The following TEP1 variants were observed in gnomAD, a reference collection of about 807,000 sequenced individuals.
The protein encoded by TEP1 is telomerase protein component 1.
Under a neutral mutation model 306.3 loss-of-function variants are expected in TEP1, and 241 were observed. The ratio of observed to expected loss-of-function variants is 0.79; its 90% CI spans 0.71 to 0.88. The LOEUF is 0.88. Ranked by LOEUF, TEP1 falls within the 40% of genes least tolerant of loss-of-function variation. The pLI, the probability that TEP1 is intolerant of heterozygous loss-of-function variation, is 0.00. For synonymous variants in TEP1, 1,289 were observed against 1,305.5 expected, an observed-to-expected ratio of 0.99 and a Z score of 0.27; for missense variants, 3,051 against 3,276.1, an observed-to-expected ratio of 0.93 and a Z score of 1.68.
At chr14:20,399,632 T>TA (rs71416944) in intron 9 of TEP1, among the ~76,000 whole-genome samples, 10,686 of 78,842 alleles carry the variant, frequency 0.14, 1,100 homozygotes, top group East Asian at 0.31. Flanking sequence ...CCCTGTTTCT[T>TA]AAAAAAAAAA....
At chr14:20,394,422 C>T (rs1878004511) in intron 12 of TEP1, among the ~76,000 whole-genome samples, 1 of 150,012 alleles carries the variant, frequency 6.7e-6, no homozygotes, top group African/African-American at 2.5e-5. Flanking sequence ...CCACATGTGG[C>T]TAGTGGCTAC....
At chr14:20,368,736 T>C (rs1013597651) in intron 54 of TEP1, 62 bp downstream of exon 54, 7 of 1,547,494 alleles carry the variant, frequency 4.5e-6, no homozygotes, top group South Asian at 2.3e-5. Flanking sequence ...TCTTGTGACA[T>C]CCCTTTGGGA....
rs903016023 is a variant in TEP1 at position 20,401,367 on chromosome 14, G to C, written c.1391+90C>G. 2.6e-6 allele frequency: 4 copies of C among 1,552,412 alleles called. No individual in the cohort carries two copies. The African/African-American group carries it at 4.1e-5, about 16-fold the overall frequency. ...ATGTCTGTCTAAAGTCATGTTGCTG[G>C]GTTTGAGAACTACTGGGATGGGGGC... On this transcript the variant is annotated intron_variant, in intron 8 of 54. Coordinates refer to ENST00000262715, the MANE Select transcript of TEP1 (RefSeq NM_007110.5).
At chr14:20,377,169 C>A in intron 41 of TEP1, 111 bp downstream of exon 41, 1 of 895,860 alleles carries the variant, frequency 1.1e-6, no homozygotes, top group Non-Finnish European at 1.6e-6. Context: ...GAGCCGAGAC[C>A]GTACCACTGC....
chr14:20,395,723 G>T (rs557868347), intron 11 of TEP1, 96 bp from the exon 12 acceptor site: 4 of 1,504,210 alleles, frequency 2.7e-6, no homozygotes, highest in Non-Finnish European at 3.6e-6. Context: ...CTTGGGGCTG[G>T]CAAGTGCCTG....
chr14:20,384,365 C>T, intron 23 of TEP1, 26 bp downstream of exon 23: 1 of 1,613,638 alleles, frequency 6.2e-7, no homozygotes, highest in Non-Finnish European at 8.5e-7. Flanking sequence ...CTCTCCATGC[C>T]TCTGGTCACC....
At chr14:20,397,776 C>A (rs1281045759) in intron 9 of TEP1, among the ~76,000 whole-genome samples, 1 of 151,096 alleles carries the variant, frequency 6.6e-6, no homozygotes, top group Non-Finnish European at 1.5e-5. Context: ...TTTTTTGAGA[C>A]GGAGTCTCAC....
Position 20,379,959 on chromosome 14 carries a change from C to G in TEP1, c.5098G>C (p.Val1700Leu), listed in dbSNP as rs764085340. 4.3e-5 allele frequency: 69 copies of G among 1,613,758 alleles called. No homozygotes were observed. The highest frequency in any genetic ancestry group is 5.7e-5 in the Non-Finnish European group (67 of 1,179,938). Residue 1700 changes from valine to leucine, a missense_variant, in exon 35 of 55, where the codon GTT (valine) becomes CTT (leucine). Val to Leu is a conservative substitution (Grantham distance 32). Transcript: ENST00000262715. The part of the protein sequence containing the change: ...RAAVGTANGT[V>L]YLLDLRTWQE... ...CAAGTTCTCAGGTCCAACAGGTAAA[C>G]TGTCCCATTGGCAGTGCCCACAGCT...
rs1225510850 is a variant in TEP1 at position 20,379,946 on chromosome 14, T to C, written c.5111A>G (p.Asp1704Gly). Residue 1704 changes from aspartate to glycine, a missense_variant, in exon 35 of 55, where the codon GAC becomes GGC. Asp to Gly is a moderately conservative substitution (Grantham distance 94). Transcript: ENST00000262715. ...TTGTCATACCTGCCAAGTTCTCAGG[T>C]CCAACAGGTAAACTGTCCCATTGGC... is the stretch of plus-strand genomic sequence containing the variant. ...GTANGTVYLL[D>G]LRTWQEEKSV... 7 of 1,612,740 alleles carry C rather than the reference T, an allele frequency of 4.3e-6. No homozygotes were observed. The highest frequency in any genetic ancestry group is 5.9e-6 in the Non-Finnish European group (7 of 1,179,606).
rs1490014453 is a variant in TEP1, at chr14:20,371,501, G to A, written c.7208C>T (p.Pro2403Leu). The A allele has an allele frequency of 6.2e-7, 1 of 1,609,054 alleles. No individual in the cohort carries two copies. The change falls in exon 50 of 55, where the codon CCA becomes CTA. Residue 2403 changes from proline (P) to leucine (L), a missense_variant. This residue lies in a region of TEP1 where 1,540 missense variants were observed against 1,705.9 expected (regional missense o/e 0.90). Coordinates refer to ENST00000262715, the MANE Select transcript of TEP1 (RefSeq NM_007110.5). ...TTTTGGATCTTACCAGATTTCAGAT[G>A]GAGCATCCCCTGGCTTCATGCAAAG... ...KLLCMKPGDA[P>L]SEIWSSYTEN...
At chr14:20,397,964 G>A (rs1197344535) in intron 9 of TEP1, among the ~76,000 whole-genome samples, 1 of 151,890 alleles carries the variant, frequency 6.6e-6, no homozygotes, top group African/African-American at 2.4e-5. Flanking sequence ...TGTTGGCCAG[G>A]CTGGTCTCAA....
At chr14:20,372,706 T>A in intron 49 of TEP1, 27 bp downstream of exon 49, 2 of 1,613,956 alleles carry the variant, frequency 1.2e-6, no homozygotes, top group Non-Finnish European at 1.7e-6. Flanking sequence ...GCTGTTTCTA[T>A]CCCATTAACC....
rs1418243882 is a variant in TEP1 at position 20,377,584 on chromosome 14, A to C, written c.5875+16T>G. On this transcript the variant is annotated intron_variant, in intron 40 of 54. Coordinates refer to ENST00000262715, the MANE Select transcript of TEP1 (RefSeq NM_007110.5). ...TTTCTAAAGGCTCAAAAACCCACCCATTCCCATTTCAGTACCTGAAGAGAT... is the reference window on the plus strand; with the variant it reads ...TTTCTAAAGGCTCAAAAACCCACCCCTTCCCATTTCAGTACCTGAAGAGAT... 2 of 1,613,990 alleles carry C rather than the reference A, an allele frequency of 1.2e-6. No homozygotes were observed. The highest frequency in any genetic ancestry group is 1.7e-5 in the Admixed American group (1 of 59,994).
In TEP1 at chr14:20,368,241, A is replaced by G. The variant is rs1268817149; in HGVS notation, c.*196T>C. The G allele has an allele frequency of 1.5e-5, 8 of 516,868 alleles. No homozygotes were observed. The highest frequency in any genetic ancestry group is 2.7e-5 in the Non-Finnish European group (8 of 301,074). The allele number at this position is 516,868 out of a possible 1,614,324, so 32.0% of individuals were successfully genotyped here. Reference sequence around the variant, plus strand: ...AGAAGAGACACACATTAGAATGTACATATACATACACATAGAATATCCTCC... The same window carrying G: ...AGAAGAGACACACATTAGAATGTACGTATACATACACATAGAATATCCTCC... On this transcript the variant is annotated 3_prime_UTR_variant, in exon 55 of 55. Transcript: ENST00000262715.
Position 20,373,266 on chromosome 14 carries a change from T to C in TEP1, c.6814+4A>G. ...CACCCTGTCTCTCTCCAAGCCTCAC[T>C]CACCTGCTTCCTTAGGAACCTGCCA... On this transcript the variant is annotated splice_donor_region_variant and intron_variant, in intron 47 of 54. Coordinates refer to ENST00000262715, the MANE Select transcript of TEP1 (RefSeq NM_007110.5). 6.2e-6 allele frequency: 10 copies of C among 1,613,898 alleles called. No homozygotes were observed. Among genetic ancestry groups the C allele is most frequent in the Non-Finnish European group, 8.5e-6 (10 of 1,179,802 alleles).
chr14:20,394,365 G>C (rs1877999983), intron 12 of TEP1, among the ~76,000 whole-genome samples: 1 of 151,666 alleles, frequency 6.6e-6, no homozygotes, highest in South Asian at 2.1e-4. Context: ...TCAAAACCTA[G>C]CATGTCTCAA....
chr14:20,384,992 A>G lies in TEP1; in HGVS notation c.3100T>C (p.Phe1034Leu), dbSNP rs1476852464. Residue 1034 changes from phenylalanine to leucine, a missense_variant, in exon 21 of 55, where the codon TTC becomes CTC. Transcript: ENST00000262715. ...QALIYFRDSS[F>L]LSSVPDAWKS... ...GCAGGCAACAGACAGTACCTGAGGA[A>G]GCTGGAATCCCGGAAGTAGATGAGA... 2 of 1,614,124 alleles carry G rather than the reference A, an allele frequency of 1.2e-6. No individual in the cohort carries two copies. The highest frequency in any genetic ancestry group is 1.7e-5 in the Admixed American group (1 of 60,008).
intron 7 of TEP1, among the ~76,000 whole-genome samples, chr14:20,403,072 G>A (rs951293943): frequency 3.1e-4 from 47 of 150,154 alleles, no homozygotes; most frequent in African/African-American, 9.3e-4. Context: ...CAGGAGAATC[G>A]CTTGAGCCTG....
At chr14:20,390,878 G>A in intron 14 of TEP1, 60 bp downstream of exon 14, 1 of 1,611,656 alleles carries the variant, frequency 6.2e-7, no homozygotes, top group Admixed American at 1.7e-5. Flanking sequence ...CAAATATCTG[G>A]GCTATTCCCA....
Sources: gnomAD v4.1 joint callset for allele counts (sites outside exome capture counted in the v4.1 genomes callset) on GRCh38, gnomAD v4.1.1 for gene constraint, gnomAD v4.1.1 regional missense constraint, MANE v1.5 for transcripts, NCBI Gene and HGNC (gene_info 2026-07-23, HGNC 2026-07-21) for gene names.